DDX54: variants seen among roughly 807,000 people sequenced by gnomAD.
DDX54 encodes the protein DEAD-box helicase 54.
Under a neutral mutation model 105.5 loss-of-function variants are expected in DDX54, and 67 were observed. The observed-to-expected ratio is 0.64, with a 90% CI of 0.52 to 0.78. The LOEUF is 0.78. Among genes scored for constraint, DDX54 ranks in the 30% least tolerant of loss-of-function variants. The pLI, the probability that DDX54 is intolerant of heterozygous loss-of-function variation, is 0.00. For synonymous variants in DDX54, 514 were observed against 509.9 expected, an observed-to-expected ratio of 1.01 and a Z score of -0.11; for missense variants, 1,206 against 1,230.5, an observed-to-expected ratio of 0.98 and a Z score of 0.30.
chr12:113,171,718 CTACTT>C (rs1215824451), intron 11 of DDX54, among the ~76,000 whole-genome samples: 1 of 152,060 alleles, frequency 6.6e-6, no homozygotes, highest in African/African-American at 2.4e-5. Context: ...CATGCTATGT[CTACTT>C]TACCACAACT....
At position 113,165,824 on chromosome 12, in the gene DDX54, C is replaced by A. The variant is rs1485300575; in HGVS notation, c.1623G>T (p.Gly541=). 2 of 1,607,450 alleles carry A rather than the reference C, an allele frequency of 1.2e-6. No homozygotes were observed. The highest frequency in any genetic ancestry group is 3.3e-5 in the Admixed American group (2 of 59,756). The change falls in exon 13 of 20, where the codon GGG becomes GGT. Residue 541 remains glycine (G), a synonymous_variant. Coordinates refer to ENST00000306014, the MANE Select transcript of DDX54 (RefSeq NM_024072.4). ...CACTGAAGAGGGGGTGCAGGCCCAG[C>A]CCCACAAGGTCCATCTCCTTGGCCC... is the stretch of plus-strand genomic sequence containing the variant. ...IKRAKEMDLV[G]LGLHPLFSSR...
chr12:113,162,955 C>A lies in DDX54; in HGVS notation c.2172G>T (p.Thr724=). The A allele has an allele frequency of 6.2e-7, 1 of 1,605,776 alleles. No individual in the cohort carries two copies. Among genetic ancestry groups the A allele is most frequent in the Non-Finnish European group, 8.5e-7 (1 of 1,178,870 alleles). ...ACCACTTGAGCTGCTGCCGGCCCCT[C>A]GTCAGGTTCTGGGCTTCATCCCCCA... ...DLMGDEAQNL[T]RGRQQLKWDR... is the part of the protein sequence containing the mutation. The change falls in exon 17 of 20, where the codon ACG becomes ACT. Residue 724 remains threonine, a synonymous_variant. Transcript: ENST00000306014.
Position 113,157,971 on chromosome 12 carries a change from T to C in DDX54, c.*906A>G, listed in dbSNP as rs1278168103. ...ACCAGGCCCTCCCTGCCAGGGTGGT[T>C]GGGGCATGAAAAAAAACTCTTTGTC... On this transcript the variant is annotated 3_prime_UTR_variant, in exon 20 of 20. Transcript: ENST00000306014. 2 of 455,554 alleles carry C rather than the reference T, an allele frequency of 4.4e-6. No homozygotes were observed. The highest frequency in any genetic ancestry group is 8.0e-6 in the Non-Finnish European group (2 of 250,390). The allele number at this position is 455,554 out of a possible 1,614,324, so 28.2% of individuals were successfully genotyped here.
chr12:113,174,932 G>T lies in DDX54; in HGVS notation c.879C>A (p.Leu293=). ...KLLVEFARAG[L]TEPVLIRLDV... is the part of the protein sequence containing the mutation. The stretch of plus-strand genomic sequence containing the variant: ...CAAGCCGGATGAGCACGGGCTCCGT[G>T]AGGCCTGCAGGAGACATGGGGGAAA... The change falls in exon 9 of 20, where the codon CTC becomes CTA. Residue 293 remains leucine, a synonymous_variant. Transcript: ENST00000306014. 2 of 1,613,244 alleles carry T rather than the reference G, an allele frequency of 1.2e-6. No individual in the cohort carries two copies. The highest frequency in any genetic ancestry group is 1.7e-6 in the Non-Finnish European group (2 of 1,179,642).
Position 113,164,301 on chromosome 12 carries a change from C to T in DDX54, c.1720-16G>A, listed in dbSNP as rs1477722180. The T allele has an allele frequency of 1.3e-6, 2 of 1,568,152 alleles. No homozygotes were observed. The highest frequency in any genetic ancestry group is 3.4e-4 in the Middle Eastern group (2 of 5,804). ...CAAAGATAGTCTGTGGAGGGGACAC[C>T]CAGTCCTTTGCCCACTGGCCTCCTA... On this transcript the variant is annotated splice_polypyrimidine_tract_variant and intron_variant, in intron 14 of 19. Coordinates refer to ENST00000306014, the MANE Select transcript of DDX54 (RefSeq NM_024072.4).
In DDX54 at chr12:113,163,358, C is replaced by A; in HGVS notation, c.1939-84G>T. On this transcript the variant is annotated intron_variant, in intron 15 of 19. Transcript: ENST00000306014. The surrounding 1 kb of genome is among the most constrained non-coding windows in gnomAD (Gnocchi z 5.9). ...CTGCCTCCCTACCCACCAGCCTGGC[C>A]ACAGTGAGGGGCCAGTGGCTTCTCG... The A allele has an allele frequency of 6.6e-7, 1 of 1,522,564 alleles. No homozygotes were observed. The highest frequency in any genetic ancestry group is 8.8e-7 in the Non-Finnish European group (1 of 1,139,360). 94.3% of individuals were successfully genotyped at this position (1,522,564 alleles called of 1,614,324 possible).
intron 1 of DDX54, 125 bp from the exon 2 acceptor site, chr12:113,181,183 G>A (rs765577022): frequency 4.9e-6 from 6 of 1,227,048 alleles, no homozygotes; most frequent in Non-Finnish European, 5.4e-6. Flanking sequence ...GCCAGATCAC[G>A]TCACTTTTTT....
chr12:113,161,904 G>T lies in DDX54; in HGVS notation c.2289C>A (p.Tyr763Ter). The change falls in exon 18 of 20, where the codon TAC (tyrosine) becomes TAA (stop). Residue 763 changes from tyrosine (Y) to a stop codon, truncating the protein, a stop_gained. Coordinates refer to ENST00000306014, the MANE Select transcript of DDX54 (RefSeq NM_024072.4). LOFTEE classifies it high-confidence loss of function. ...GCCCCTCAGGATACAGGTCTCGCTT[G>T]TAGGAGCTGCTGATGTAGCGGCCGC... ...TESGRYISSS[Y>*]KRDLYQKWKQ... The T allele has an allele frequency of 1.2e-6, 2 of 1,610,612 alleles. No homozygotes were observed. Among genetic ancestry groups the T allele is most frequent in the Non-Finnish European group, 8.5e-7 (1 of 1,179,214 alleles).
At chr12:113,179,473 T>C (rs1952440956) in intron 3 of DDX54, 142 bp from the exon 4 acceptor site, 2 of 943,086 alleles carry the variant, frequency 2.1e-6, no homozygotes, top group African/African-American at 3.3e-5. Flanking sequence ...GAGCCTATTC[T>C]TGCCCATTCT....
chr12:113,159,734 A>AAGC (rs902965551), intron 19 of DDX54, among the ~76,000 whole-genome samples: 4 of 152,198 alleles, frequency 2.6e-5, no homozygotes, highest in East Asian at 1.9e-4. Flanking sequence ...TCACACAGCA[A>AAGC]AGCAGCAGCA....
At chr12:113,168,131 C>T (rs968291839) in intron 12 of DDX54, among the ~76,000 whole-genome samples, 2 of 152,262 alleles carry the variant, frequency 1.3e-5, no homozygotes, top group Non-Finnish European at 2.9e-5. Context: ...GCCCTTGCAT[C>T]TGACCCCAGA....
intron 19 of DDX54, among the ~76,000 whole-genome samples, chr12:113,160,031 C>T (rs377114856): frequency 6.6e-6 from 1 of 152,210 alleles, no homozygotes; most frequent in African/African-American, 2.4e-5. Context: ...GCCCACAGGT[C>T]GCCCCCGTCT....
intron 10 of DDX54, among the ~76,000 whole-genome samples, chr12:113,174,179 C>CAA (rs745618043): frequency 0.065 from 7,166 of 109,504 alleles, 219 homozygotes; most frequent in Middle Eastern, 0.089. Flanking sequence ...ATACCATTTC[C>CAA]AAAAAAAAAA....
chr12:113,173,687 G>A (rs542999374), intron 10 of DDX54, among the ~76,000 whole-genome samples: 2 of 152,180 alleles, frequency 1.3e-5, no homozygotes, highest in East Asian at 3.8e-4. Flanking sequence ...ATCTTAAGAA[G>A]TCAAACAAAC....
Position 113,157,633 on chromosome 12 carries a change from TG to T in DDX54, c.*1243del. On this transcript the variant is annotated 3_prime_UTR_variant, in exon 20 of 20. Coordinates refer to ENST00000306014, the MANE Select transcript of DDX54 (RefSeq NM_024072.4). ...CTGTTCATGCAGGACCTCTCTGCCA[TG>T]CTGGCCGGCCTGGGTCAGGCTGAGC... 1 of 1,551,702 alleles carries T rather than the reference TG, an allele frequency of 6.4e-7. No homozygotes were observed. Among genetic ancestry groups the T allele is most frequent in the South Asian group, 1.2e-5 (1 of 84,060 alleles).
rs1225464329 is a variant in DDX54 at position 113,157,576 on chromosome 12, T to C, written c.*1301A>G. The C allele has an allele frequency of 6.5e-7, 1 of 1,548,412 alleles. No homozygotes were observed. The highest frequency in any genetic ancestry group is 2.0e-5 in the Admixed American group (1 of 51,010). ...CTGGACAGTGACTCTGGGGCTGGGA[T>C]GTGACTTCGTGCTGGGCCCCCCCAG... is the stretch of plus-strand genomic sequence containing the variant. On this transcript the variant is annotated 3_prime_UTR_variant, in exon 20 of 20. Coordinates refer to ENST00000306014, the MANE Select transcript of DDX54 (RefSeq NM_024072.4).
chr12:113,164,148 C>A lies in DDX54; in HGVS notation c.1857G>T (p.Val619=). 1 of 1,554,248 alleles carries A rather than the reference C, an allele frequency of 6.4e-7. No individual in the cohort carries two copies. ...GTGCTGGGCGGCTCGGGGCTGGGCC[C>A]ACTGGGCCCTCCTGCTGCTCCTGCC... is the stretch of plus-strand genomic sequence containing the variant. ...QGRQEQQEGP[V]GPAPSRPALQ... The change falls in exon 15 of 20, where the codon GTG becomes GTT. Residue 619 remains valine, a synonymous_variant. Coordinates refer to ENST00000306014, the MANE Select transcript of DDX54 (RefSeq NM_024072.4).
chr12:113,172,960 T>C (rs201749626), intron 10 of DDX54, among the ~76,000 whole-genome samples: 2 of 152,298 alleles, frequency 1.3e-5, no homozygotes, highest in African/African-American at 2.4e-5. Flanking sequence ...TGTGCCTTAT[T>C]ATGAGGATCA....
chr12:113,166,912 T>C (rs1038073315), intron 12 of DDX54, among the ~76,000 whole-genome samples: 4 of 152,138 alleles, frequency 2.6e-5, no homozygotes, highest in Non-Finnish European at 5.9e-5. Context: ...GCAATACTTA[T>C]GGTAATAAGT....
Sources: gnomAD v4.1 joint callset for allele counts (sites outside exome capture counted in the v4.1 genomes callset) on GRCh38, gnomAD v4.1.1 for gene constraint, Gnocchi (gnomAD v3.1) non-coding constraint, MANE v1.5 for transcripts, NCBI Gene and HGNC (gene_info 2026-07-23, HGNC 2026-07-21) for gene names.